Variants in COL18A1 observed in about 807,000 individuals in gnomAD.
COL18A1 encodes the protein collagen type XVIII alpha 1 chain, also known as collagen alpha-1(XVIII) chain.
COL18A1 carries 133 observed loss-of-function variants against 168.0 expected under a neutral mutation model. That is an observed-to-expected ratio of 0.79 (90% CI 0.69 to 0.91). The LOEUF (loss-of-function observed/expected upper bound fraction) is 0.91, where lower values mean the gene tolerates loss of function less well. Among genes scored for constraint, COL18A1 ranks in the 40% least tolerant of loss-of-function variants. The pLI is 0.00. For missense variants in COL18A1, 2,126 were observed against 1,925.4 expected, an observed-to-expected ratio of 1.10 and a Z score of -1.95; for synonymous variants, 949 against 809.0, an observed-to-expected ratio of 1.17 and a Z score of -2.94.
chr21:45,427,819 G>A (rs558424918), intron 2 of COL18A1, among the ~76,000 whole-genome samples: 11 of 152,336 alleles, frequency 7.2e-5, no homozygotes, highest in Non-Finnish European at 4.4e-5. Flanking sequence ...AGAACCAGCG[G>A]AAGGGGGGCG....
At chr21:45,405,531 G>A in intron 2 of COL18A1, 58 bp downstream of exon 2, 1 of 1,111,308 alleles carries the variant, frequency 9.0e-7, no homozygotes, top group Non-Finnish European at 1.1e-6. Flanking sequence ...TCGCCGCCCT[G>A]GCTGGGGTCC....
At chr21:45,493,453 G>A in intron 25 of COL18A1, 48 bp from the exon 26 acceptor site, 1 of 1,501,246 alleles carries the variant, frequency 6.7e-7, no homozygotes. Context: ...GTGAGGCTTT[G>A]TGGGGAAGGA....
At chr21:45,429,091 T>C (rs920470946) in intron 2 of COL18A1, among the ~76,000 whole-genome samples, 24 of 151,914 alleles carry the variant, frequency 1.6e-4, no homozygotes, top group East Asian at 7.8e-4. Context: ...TTAGTAGAGA[T>C]GGGGTTTCAT....
chr21:45,482,648 G>A (rs2035940694), intron 14 of COL18A1, 147 bp from the exon 15 acceptor site: 24 of 1,207,420 alleles, frequency 2.0e-5, no homozygotes, highest in South Asian at 1.8e-4. Flanking sequence ...GGATGACAGC[G>A]GCAACAGCCT....
At chr21:45,492,338 T>A (rs571628050) in intron 22 of COL18A1, among the ~76,000 whole-genome samples, 197 bp from the exon 23 acceptor site, 2 of 152,334 alleles carry the variant, frequency 1.3e-5, no homozygotes, top group African/African-American at 4.8e-5. Flanking sequence ...TTAGGGCGTC[T>A]GGAGTCTGCA....
chr21:45,454,177 C>T (rs1313896829), intron 2 of COL18A1, among the ~76,000 whole-genome samples: 1 of 152,166 alleles, frequency 6.6e-6, no homozygotes, highest in East Asian at 1.9e-4. Context: ...TGTGGAATGC[C>T]TGCGCCTGCC....
intron 37 of COL18A1, chr21:45,507,045 T>A: frequency 3.1e-6 from 1 of 318,612 alleles, no homozygotes; most frequent in Non-Finnish European, 6.2e-6. Flanking sequence ...GGGGATGGCA[T>A]CCTAGCAAAC....
intron 8 of COL18A1, 91 bp downstream of exon 8, chr21:45,478,056 G>A: frequency 1.3e-6 from 1 of 790,056 alleles, no homozygotes. Flanking sequence ...ATGGGAGTGA[G>A]CTGAGCTGGG....
Position 45,473,242 on chromosome 21 carries a change from G to A in COL18A1, c.652-653G>A, listed in dbSNP as rs1469727481. 2.6e-5 allele frequency among the ~76,000 whole-genome samples: 4 copies of A among 152,238 alleles called. No individual in the cohort carries two copies. The highest frequency in any genetic ancestry group is 6.5e-5 in the Admixed American group (1 of 15,292). On this transcript the variant is annotated intron_variant, in intron 3 of 41. Transcript: ENST00000651438. This position sits in a 1 kb window ranked among gnomAD's most constrained non-coding sequence, Gnocchi z 4.0. The stretch of plus-strand genomic sequence containing the variant: ...GGCACCGCCGGCCGCGCCAGGGCCC[G>A]AGAGGGCAGGGTCAGGCACCCTGGC...
chr21:45,477,716 C>A, intron 7 of COL18A1, 34 bp from the exon 8 acceptor site: 5 of 1,509,698 alleles, frequency 3.3e-6, no homozygotes, highest in Non-Finnish European at 4.4e-6. Context: ...GGGGCCCCAC[C>A]CCAGCCCGAG....
chr21:45,468,627 C>G lies in COL18A1; in HGVS notation c.492C>G (p.His164Gln). ...CCGCCTTCGTCGGCCAGTGGACACA[C>G]TTAGCCCTCAGTGTGGCAGGTGGCT... ...RLPAFVGQWT[H>Q]LALSVAGGFV... The change falls in exon 3 of 42, where the codon CAC becomes CAG. Residue 164 changes from histidine (H) to glutamine (Q), a missense_variant. By Grantham distance (24) the His-to-Gln change is conservative. Coordinates refer to ENST00000651438, the MANE Select transcript of COL18A1 (RefSeq NM_001379500.1). 1 of 1,614,052 alleles carries G rather than the reference C, an allele frequency of 6.2e-7. No individual in the cohort carries two copies. Among genetic ancestry groups the G allele is most frequent in the Non-Finnish European group, 8.5e-7 (1 of 1,180,036 alleles).
At chr21:45,448,519 G>GTATCCATATCCACACATCCA (rs2034551854) in intron 2 of COL18A1, among the ~76,000 whole-genome samples, 3 of 152,126 alleles carry the variant, frequency 2.0e-5, no homozygotes, top group African/African-American at 4.8e-5. Context: ...CCACACATCC[G>GTATCCATATCCACACATCCA]TGTACACGCG....
chr21:45,497,627 C>A lies in COL18A1; in HGVS notation c.2649C>A (p.Gly883=). The A allele has an allele frequency of 6.4e-7, 1 of 1,569,424 alleles. No individual in the cohort carries two copies. Among genetic ancestry groups the A allele is most frequent in the Non-Finnish European group, 8.6e-7 (1 of 1,157,584 alleles). ...PGNQGPPGPK[G]AKGEVGPPGP... The stretch of plus-strand genomic sequence containing the variant: ...ATCAGGGCCCTCCAGGACCCAAGGG[C>A]GCCAAAGGAGAAGTGGGCCCCCCCG... Residue 883 remains glycine, a synonymous_variant, in exon 32 of 42, where the codon GGC becomes GGA. Transcript: ENST00000651438.
chr21:45,434,562 A>G (rs2034048980), intron 2 of COL18A1, among the ~76,000 whole-genome samples: 1 of 152,166 alleles, frequency 6.6e-6, no homozygotes, highest in African/African-American at 2.4e-5. Flanking sequence ...CTTGGCATGT[A>G]CAAGCAGGGC....
At position 45,504,402 on chromosome 21, in the gene COL18A1, G is replaced by C. The variant is rs1267127153; in HGVS notation, c.2728-14G>C. 1 of 1,610,222 alleles carries C rather than the reference G, an allele frequency of 6.2e-7. No individual in the cohort carries two copies. The highest frequency in any genetic ancestry group is 1.7e-5 in the Admixed American group (1 of 59,796). Reference sequence around the variant, plus strand: ...GGTTCAGGGCTCCCGTGTAACAAGTGTTTCCGTCCACAGGGGGAGAAGGGA... The same window carrying C: ...GGTTCAGGGCTCCCGTGTAACAAGTCTTTCCGTCCACAGGGGGAGAAGGGA... On this transcript the variant is annotated splice_polypyrimidine_tract_variant and intron_variant, in intron 33 of 41. Transcript: ENST00000651438.
Position 45,495,388 on chromosome 21 carries a change from GAGAA to G in COL18A1, c.2467_2470del (p.Lys823GlyfsTer12). 1 of 1,611,798 alleles carries G rather than the reference GAGAA, an allele frequency of 6.2e-7. No homozygotes were observed. The highest frequency in any genetic ancestry group is 8.5e-7 in the Non-Finnish European group (1 of 1,179,126). On this transcript the variant is annotated frameshift_variant, in exon 29 of 42. Coordinates refer to ENST00000651438, the MANE Select transcript of COL18A1 (RefSeq NM_001379500.1). LOFTEE classifies it high-confidence loss of function. ...CCCCGGGATGAACGGATTGAAAGGA[GAGAA>G]AGGGGAGCCGGGAGATGCCAGCCTT...
chr21:45,506,740 C>A, intron 37 of COL18A1: 1 of 149,500 alleles, frequency 6.7e-6, no homozygotes, highest in Admixed American at 6.0e-5. Context: ...ACCCACCTTC[C>A]TTCTAGAGCC....
At chr21:45,480,019 TG>T in intron 10 of COL18A1, 50 bp from the exon 11 acceptor site, 3 of 1,612,804 alleles carry the variant, frequency 1.9e-6, no homozygotes, top group South Asian at 2.2e-5. Flanking sequence ...TGGCTCAAGG[TG>T]GGGGCTGTGT....
intron 17 of COL18A1, among the ~76,000 whole-genome samples, chr21:45,488,021 T>C (rs1444588328): frequency 6.6e-6 from 1 of 152,036 alleles, no homozygotes; most frequent in Non-Finnish European, 1.5e-5. Context: ...GGCCACAAGC[T>C]CCTTCCTCCC....
Sources: gnomAD v4.1 joint callset for allele counts (sites outside exome capture counted in the v4.1 genomes callset) on GRCh38, gnomAD v4.1.1 for gene constraint, Gnocchi (gnomAD v3.1) non-coding constraint, MANE v1.5 for transcripts, NCBI Gene and HGNC (gene_info 2026-07-23, HGNC 2026-07-21) for gene names.